GUCY1B1: variants seen among roughly 807,000 people sequenced by gnomAD.
GUCY1B1 encodes guanylate cyclase 1 soluble subunit beta 1.
Under a neutral mutation model 71.0 loss-of-function variants are expected in GUCY1B1, and 43 were observed. That is an observed-to-expected ratio of 0.61 (90% CI 0.47 to 0.78). The LOEUF is 0.78. Among genes scored for constraint, GUCY1B1 ranks in the 30% least tolerant of loss-of-function variants. The probability of loss-of-function intolerance (pLI) is 0.00; values close to 1 mark genes in which losing one functional copy is unlikely to be tolerated. For missense variants in GUCY1B1, 535 were observed against 754.1 expected, an observed-to-expected ratio of 0.71 and a Z score of 3.40; for synonymous variants, 266 against 259.7, an observed-to-expected ratio of 1.02 and a Z score of -0.23.
intron 2 of GUCY1B1, 91 bp from the exon 3 acceptor site, chr4:155,774,877 A>G: frequency 1.3e-6 from 1 of 774,490 alleles, no homozygotes; most frequent in African/African-American, 1.8e-5. Context: ...TTTCAGAGAT[A>G]AAGCCATTGT....
At chr4:155,788,470 A>G (rs534812323) in intron 4 of GUCY1B1, among the ~76,000 whole-genome samples, 9 of 152,194 alleles carry the variant, frequency 5.9e-5, no homozygotes, top group Admixed American at 1.3e-4. Flanking sequence ...TTGACTTTTA[A>G]GTGCACAGTC....
intron 4 of GUCY1B1, among the ~76,000 whole-genome samples, chr4:155,785,608 T>A (rs537964028): frequency 5.9e-5 from 9 of 151,826 alleles, no homozygotes; most frequent in African/African-American, 2.2e-4. Context: ...AAAAAAAAAA[T>A]TGTAGCCTGT....
intron 13 of GUCY1B1, among the ~76,000 whole-genome samples, chr4:155,806,098 G>A (rs755866924): frequency 6.6e-6 from 1 of 152,114 alleles, no homozygotes; most frequent in Non-Finnish European, 1.5e-5. Context: ...TAGAATGCCA[G>A]GGTTTGAAAT....
intron 2 of GUCY1B1, among the ~76,000 whole-genome samples, chr4:155,761,478 T>C (rs1736995450): frequency 6.6e-6 from 1 of 152,208 alleles, no homozygotes. Flanking sequence ...ATGGCTATTA[T>C]GATTAAACAG....
intron 2 of GUCY1B1, among the ~76,000 whole-genome samples, chr4:155,773,812 C>T (rs1328624843): frequency 1.3e-5 from 2 of 152,074 alleles, no homozygotes; most frequent in African/African-American, 2.4e-5. Flanking sequence ...CTCAGCCTCC[C>T]GAGTAGCTGG....
intron 8 of GUCY1B1, among the ~76,000 whole-genome samples, chr4:155,797,431 T>A: frequency 6.6e-6 from 1 of 152,044 alleles, no homozygotes; most frequent in Admixed American, 6.6e-5. Context: ...ATAACAATAA[T>A]ATATAAGGCC....
chr4:155,765,548 G>T (rs1350089718), intron 2 of GUCY1B1, among the ~76,000 whole-genome samples: 1 of 152,122 alleles, frequency 6.6e-6, no homozygotes, highest in African/African-American at 2.4e-5. Flanking sequence ...TTTTATTCCA[G>T]GTAAAAGTAG....
intron 6 of GUCY1B1, 39 bp downstream of exon 6, chr4:155,794,125 A>T: frequency 9.0e-7 from 1 of 1,116,316 alleles, no homozygotes; most frequent in Non-Finnish European, 1.4e-6. Context: ...CTGAGACAAA[A>T]GCCCATAGAA....
intron 2 of GUCY1B1, chr4:155,772,871 ATAAG>A: frequency 1.4e-6 from 1 of 691,704 alleles, no homozygotes; most frequent in South Asian, 1.5e-5. Context: ...CAAATAAATT[ATAAG>A]CTCTGAAGGA....
chr4:155,804,855 C>A, intron 12 of GUCY1B1, 108 bp downstream of exon 12: 1 of 912,302 alleles, frequency 1.1e-6, no homozygotes, highest in Non-Finnish European at 1.7e-6. Flanking sequence ...ATCACCTTCA[C>A]TCTTCCCCAC....
chr4:155,805,462 C>T (rs1740253035), intron 13 of GUCY1B1, among the ~76,000 whole-genome samples: 1 of 152,082 alleles, frequency 6.6e-6, no homozygotes, highest in African/African-American at 2.4e-5. Context: ...AACCAACAGA[C>T]TGGATTGAGA....
At chr4:155,761,966 T>G (rs1737024934) in intron 2 of GUCY1B1, among the ~76,000 whole-genome samples, 1 of 152,238 alleles carries the variant, frequency 6.6e-6, no homozygotes, top group African/African-American at 2.4e-5. Flanking sequence ...GTGTTGATTC[T>G]TTATTTGTCT....
chr4:155,772,702 G>C (rs1162786384), intron 2 of GUCY1B1: 2 of 702,394 alleles, frequency 2.8e-6, no homozygotes, highest in Admixed American at 4.0e-5. Flanking sequence ...TAACAGGCAT[G>C]AGCCAACCTG....
chr4:155,791,501 C>CG (rs906223934), intron 5 of GUCY1B1, among the ~76,000 whole-genome samples: 1 of 147,266 alleles, frequency 6.8e-6, no homozygotes, highest in Non-Finnish European at 1.5e-5. Context: ...GAGGCCAAGG[C>CG]GGGGGGATCA....
At position 155,779,878 on chromosome 4, in the gene GUCY1B1, CT is replaced by C. The variant is rs1313421661; in HGVS notation, c.297+2239del. Among the ~76,000 whole-genome samples, 3 of 152,244 alleles carry C rather than the reference CT, an allele frequency of 2.0e-5. No individual in the cohort carries two copies. The East Asian group carries it at 5.8e-4, about 29-fold the overall frequency. On this transcript the variant is annotated intron_variant, in intron 4 of 13. Transcript: ENST00000264424. ...TCTTCACTAAAAATTTAAAGACTTT[CT>C]TTCTGTTTCAGTCCTGGTTTTAATC...
chr4:155,801,011 T>C (rs1183254323), intron 9 of GUCY1B1, among the ~76,000 whole-genome samples: 1 of 152,198 alleles, frequency 6.6e-6, no homozygotes, highest in African/African-American at 2.4e-5. Context: ...AATAGATAAA[T>C]AACCAGCACT....
chr4:155,797,924 T>TA (rs1343246609), intron 8 of GUCY1B1, among the ~76,000 whole-genome samples: 1 of 151,974 alleles, frequency 6.6e-6, no homozygotes, highest in African/African-American at 2.4e-5. Context: ...AAACGCTTTT[T>TA]AAAAAAATTA....
intron 2 of GUCY1B1, among the ~76,000 whole-genome samples, chr4:155,760,428 C>CCCGTTG (rs1736918555): frequency 6.9e-6 from 1 of 144,670 alleles, no homozygotes. Context: ...CTGCCCACCC[C>CCCGTTG]CCCCGCCCCA....
intron 2 of GUCY1B1, among the ~76,000 whole-genome samples, chr4:155,761,983 C>T (rs1268803384): frequency 1.3e-5 from 2 of 152,202 alleles, no homozygotes; most frequent in African/African-American, 2.4e-5. Context: ...GTCTAAGCAT[C>T]TTTTGGTGGA....
Sources: allele counts gnomAD v4.1 joint callset (sites outside exome capture counted in the v4.1 genomes callset), GRCh38; gene constraint gnomAD v4.1.1; transcripts MANE v1.5; gene names NCBI Gene and HGNC (gene_info 2026-07-23, HGNC 2026-07-21).